The following PRKDC variants were observed in gnomAD, a reference collection of about 807,000 sequenced individuals.
PRKDC encodes protein kinase, DNA-activated, catalytic subunit.
In PRKDC, 82 loss-of-function variants were observed where a neutral mutation model predicts 486.9. That is an observed-to-expected ratio of 0.17 (90% CI 0.14 to 0.20). The LOEUF is 0.20. PRKDC is among the 10% of genes least tolerant of loss of function. The pLI, the probability that PRKDC is intolerant of heterozygous loss-of-function variation, is 1.00. For synonymous variants in PRKDC, 1,895 were observed against 1,837.0 expected, an observed-to-expected ratio of 1.03 and a Z score of -0.81; for missense variants, 4,504 against 5,038.2, an observed-to-expected ratio of 0.89 and a Z score of 3.21.
chr8:47,909,285 CT>C (rs1456746861), intron 25 of PRKDC, among the ~76,000 whole-genome samples: 6 of 152,180 alleles, frequency 3.9e-5, no homozygotes, highest in Non-Finnish European at 8.8e-5. Context: ...AAAATTAATA[CT>C]TTTATAATTT....
intron 62 of PRKDC, among the ~76,000 whole-genome samples, chr8:47,827,799 G>C (rs985772388): frequency 6.6e-6 from 1 of 152,184 alleles, no homozygotes; most frequent in African/African-American, 2.4e-5. Context: ...CTAGAATAAA[G>C]CCAGGCGGGT....
chr8:47,859,046 G>C (rs1266171303), intron 46 of PRKDC, 60 bp from the exon 47 acceptor site: 24 of 1,578,222 alleles, frequency 1.5e-5, no homozygotes, highest in Non-Finnish European at 2.0e-5. Context: ...GGACAAGGCA[G>C]TGGATGTGGG....
intron 61 of PRKDC, 43 bp downstream of exon 61, chr8:47,830,556 GGAAACA>G: frequency 2.5e-6 from 4 of 1,600,460 alleles, no homozygotes; most frequent in Non-Finnish European, 3.4e-6. Flanking sequence ...CCCCTGAACT[GGAAACA>G]GATTTTAACC....
At chr8:47,891,993 C>T (rs1212167587) in intron 31 of PRKDC, among the ~76,000 whole-genome samples, 15 of 152,072 alleles carry the variant, frequency 9.9e-5, no homozygotes, top group Non-Finnish European at 1.3e-4. Flanking sequence ...CTCAGCCTCC[C>T]GAGTAGCTGG....
At chr8:47,811,192 T>C (rs910350849) in intron 68 of PRKDC, among the ~76,000 whole-genome samples, 5 of 152,162 alleles carry the variant, frequency 3.3e-5, no homozygotes, top group Admixed American at 2.0e-4. Flanking sequence ...CAGAAAAATA[T>C]GACACATTAC....
Position 47,825,419 on chromosome 8 carries a change from G to T in PRKDC, c.8783+1237C>A, listed in dbSNP as rs372148409. 2.0e-4 allele frequency among the ~76,000 whole-genome samples: 28 copies of T among 137,592 alleles called. 1 individual carries two copies. Among genetic ancestry groups the T allele is most frequent in the African/African-American group, 7.3e-4 (27 of 37,198 alleles). 90.3% of individuals were successfully genotyped at this position (137,592 alleles called of 152,430 possible). A position where few individuals can be genotyped will look rare whatever the true frequency, so the allele number is the denominator to read the frequency against. ...AGCTACTTGGGAGGCTGAGGCAGGA[G>T]AATCGCTTGAACCCGGGAGGTGGAG... On this transcript the variant is annotated intron_variant, in intron 63 of 85. Coordinates refer to ENST00000314191, the MANE Select transcript of PRKDC (RefSeq NM_006904.7).
intron 64 of PRKDC, among the ~76,000 whole-genome samples, chr8:47,822,587 G>C (rs1002135278): frequency 6.6e-6 from 1 of 151,834 alleles, no homozygotes; most frequent in South Asian, 2.1e-4. Flanking sequence ...TCAGGAGATC[G>C]AGACCATCCT....
chr8:47,774,341 G>A lies in PRKDC; in HGVS notation c.12219C>T (p.Ala4073=), dbSNP rs1057310616. 4 of 1,613,328 alleles carry A rather than the reference G, an allele frequency of 2.5e-6. No homozygotes were observed. Among genetic ancestry groups the A allele is most frequent in the Non-Finnish European group, 3.4e-6 (4 of 1,179,822 alleles). ...ELLLGHEKAP[A]FRDYVAVARG... ...GTGCCACAGCCACATAGTCTCTGAA[G>A]GCAGGGGCCTTCTCATGACCCAGGA... Residue 4073 remains alanine (A), a synonymous_variant, in exon 86 of 86, where the codon GCC becomes GCT. Transcript: ENST00000314191.
intron 68 of PRKDC, among the ~76,000 whole-genome samples, chr8:47,809,000 G>C (rs1364790800): frequency 6.6e-6 from 1 of 151,882 alleles, no homozygotes; most frequent in African/African-American, 2.4e-5. Context: ...CTCCAGCCTG[G>C]GTGGCACAGC....
At chr8:47,834,696 T>C (rs1366055427) in intron 58 of PRKDC, among the ~76,000 whole-genome samples, 2 of 148,750 alleles carry the variant, frequency 1.3e-5, no homozygotes, top group African/African-American at 5.0e-5. Flanking sequence ...CTTTTTTTTT[T>C]TTTTTTTTTT....
At chr8:47,958,119 G>A (rs2090739783) in intron 1 of PRKDC, among the ~76,000 whole-genome samples, 1 of 152,196 alleles carries the variant, frequency 6.6e-6, no homozygotes, top group Non-Finnish European at 1.5e-5. Context: ...CTTAAAGTAA[G>A]GAGATGAAGA....
rs759130959 is a variant in PRKDC at position 47,897,177 on chromosome 8, G to A, written c.3582C>T (p.Phe1194=). The A allele has an allele frequency of 8.8e-6, 14 of 1,598,076 alleles. No individual in the cohort carries two copies. Among genetic ancestry groups the A allele is most frequent in the African/African-American group, 1.3e-5 (1 of 74,732 alleles). The change falls in exon 30 of 86, where the codon TTC becomes TTT. Residue 1194 remains phenylalanine, a synonymous_variant. Transcript: ENST00000314191. ...RHKSIELFYK[F]VPLLPGNRSP... ...TTACCATACCTGGCAATAAAGGAAC[G>A]AATTTATAAAAGAGTTCAATGGATT...
At chr8:47,934,811 G>C (rs62542286) in intron 14 of PRKDC, among the ~76,000 whole-genome samples, 198 bp downstream of exon 14, 13 of 152,140 alleles carry the variant, frequency 8.5e-5, no homozygotes, top group Non-Finnish European at 1.6e-4. Flanking sequence ...TATGCTTAAA[G>C]ATGTTTCATA....
chr8:47,899,474 C>T (rs2089640778), intron 28 of PRKDC, among the ~76,000 whole-genome samples: 1 of 152,108 alleles, frequency 6.6e-6, no homozygotes, highest in Non-Finnish European at 1.5e-5. Flanking sequence ...GGAGAAACAT[C>T]TCTACTAAAA....
At chr8:47,807,350 T>C in intron 68 of PRKDC, 24 bp from the exon 69 acceptor site, 1 of 1,503,704 alleles carries the variant, frequency 6.7e-7, no homozygotes, top group East Asian at 2.3e-5. Context: ...AATGAGACAA[T>C]GTCACAGACT....
chr8:47,832,945 G>A (rs1011833517), intron 59 of PRKDC, among the ~76,000 whole-genome samples: 2 of 152,210 alleles, frequency 1.3e-5, no homozygotes, highest in African/African-American at 4.8e-5. Context: ...CAAGGAGGAT[G>A]GCACCAGGCC....
rs1209688398 is a variant in PRKDC at position 47,782,804 on chromosome 8, T to C, written c.11176-206A>G. ...CGCAGAAATGTTGTATTCCTGATTA[T>C]AAATACTTGCTTATGAATGTGGATA... On this transcript the variant is annotated intron_variant, in intron 78 of 85. Transcript: ENST00000314191. This position sits in a 1 kb window ranked among gnomAD's most constrained non-coding sequence, Gnocchi z 4.9. 6.7e-6 allele frequency: 4 copies of C among 594,850 alleles called. No homozygotes were observed. Among genetic ancestry groups the C allele is most frequent in the Middle Eastern group, 4.4e-4 (1 of 2,278 alleles). 36.8% of individuals were successfully genotyped at this position (594,850 alleles called of 1,614,324 possible). A position where few individuals can be genotyped will look rare whatever the true frequency, so the allele number is the denominator to read the frequency against.
intron 18 of PRKDC, 98 bp downstream of exon 18, chr8:47,929,755 A>G: frequency 1.3e-5 from 16 of 1,272,932 alleles, no homozygotes; most frequent in Non-Finnish European, 1.7e-5. Flanking sequence ...AGTAGACTTT[A>G]AAACTGCATA....
At chr8:47,889,897 A>T (rs1243851061) in intron 32 of PRKDC, among the ~76,000 whole-genome samples, 1 of 151,088 alleles carries the variant, frequency 6.6e-6, no homozygotes, top group East Asian at 1.9e-4. Context: ...AAAATGTTAC[A>T]TATATGAGGT....
Sources: gnomAD v4.1 joint callset for allele counts (sites outside exome capture counted in the v4.1 genomes callset) on GRCh38, gnomAD v4.1.1 for gene constraint, Gnocchi (gnomAD v3.1) non-coding constraint, MANE v1.5 for transcripts, NCBI Gene and HGNC (gene_info 2026-07-23, HGNC 2026-07-21) for gene names.